Variants in TRAPPC11 observed in about 807,000 individuals in gnomAD.
TRAPPC11 encodes foie gras homolog.
In TRAPPC11, 104 loss-of-function variants were observed where a neutral mutation model predicts 151.2. The observed-to-expected ratio is 0.69, with a 90% confidence interval of 0.59 to 0.81. TRAPPC11 has a LOEUF of 0.81. Ranked by LOEUF, TRAPPC11 falls within the 30% of genes least tolerant of loss-of-function variation. TRAPPC11 has a pLI of 0.00. For synonymous variants in TRAPPC11, 456 were observed against 472.3 expected (o/e 0.97, Z 0.45); for missense variants, 1,230 against 1,349.6 (o/e 0.91, Z 1.39).
At chr4:183,699,194 A>G (rs1169767405) in intron 25 of TRAPPC11, among the ~76,000 whole-genome samples, 2 of 152,114 alleles carry the variant, frequency 1.3e-5, no homozygotes, top group African/African-American at 2.4e-5. Context: ...CATTCATCCA[A>G]CATTGCCCCC....
intron 5 of TRAPPC11, among the ~76,000 whole-genome samples, chr4:183,672,692 A>G (rs959879802): frequency 2.1e-4 from 32 of 152,184 alleles, no homozygotes; most frequent in African/African-American, 7.0e-4. Flanking sequence ...AGAGGAAATA[A>G]TAGCACTTAC....
Position 183,667,714 on chromosome 4 carries a change from G to A in TRAPPC11, c.446-289G>A, listed in dbSNP as rs62357988. On this transcript the variant is annotated intron_variant, in intron 4 of 29. Transcript: ENST00000334690. ...CTTCTTTCATGAATTATTGCTTCCA[G>A]TTTTAGTTATGTTTTTTGAAATAGT... Among the ~76,000 whole-genome samples the A allele has an allele frequency of 0.1, 15,459 of 152,154 alleles. 841 individuals are homozygous for A. Among genetic ancestry groups the A allele is most frequent in the Non-Finnish European group, 0.12 (7,955 of 67,992 alleles).
At chr4:183,712,516 G>A (rs752982261) in intron 29 of TRAPPC11, 84 bp from the exon 30 acceptor site, 7 of 1,328,754 alleles carry the variant, frequency 5.3e-6, no homozygotes, top group Non-Finnish European at 7.6e-6. Context: ...ACAGTTTCAA[G>A]AATTTAAAAA....
At chr4:183,707,254 A>ATGTGTGTGTGTG (rs10576583) in intron 28 of TRAPPC11, among the ~76,000 whole-genome samples, 2,472 of 148,654 alleles carry the variant, frequency 0.017, 76 homozygotes, top group African/African-American at 0.058. Context: ...GTGTGTGTTT[A>ATGTGTGTGTGTG]TGTGTGTGTG....
chr4:183,664,181 T>A, intron 2 of TRAPPC11, 110 bp downstream of exon 2: 4 of 927,172 alleles, frequency 4.3e-6, no homozygotes, highest in Non-Finnish European at 6.8e-6. Flanking sequence ...GTGGTCACAG[T>A]GGTGCATAAA....
intron 5 of TRAPPC11, among the ~76,000 whole-genome samples, chr4:183,668,901 G>A (rs1013427092): frequency 1.4e-4 from 21 of 152,276 alleles, no homozygotes; most frequent in Middle Eastern, 3.4e-3. Flanking sequence ...TTCTGCATAA[G>A]TGTCCTTCGT....
At chr4:183,673,499 C>T (rs994667117) in intron 5 of TRAPPC11, among the ~76,000 whole-genome samples, 19 of 152,028 alleles carry the variant, frequency 1.2e-4, no homozygotes, top group East Asian at 5.8e-4. Flanking sequence ...CATGGTGAAA[C>T]CCCGTCTCTA....
chr4:183,699,903 C>T (rs1234761451), intron 25 of TRAPPC11, among the ~76,000 whole-genome samples: 1 of 151,992 alleles, frequency 6.6e-6, no homozygotes, highest in Non-Finnish European at 1.5e-5. Context: ...CGGCTTACTG[C>T]AAGCTCTGCC....
intron 17 of TRAPPC11, among the ~76,000 whole-genome samples, chr4:183,685,774 A>G (rs1247104654): frequency 6.6e-6 from 1 of 152,096 alleles, no homozygotes; most frequent in East Asian, 1.9e-4. Context: ...TTAAAATTAA[A>G]GATGGTTTTG....
chr4:183,676,967 G>T (rs1468588879), intron 7 of TRAPPC11, among the ~76,000 whole-genome samples: 2 of 152,128 alleles, frequency 1.3e-5, no homozygotes, highest in Non-Finnish European at 2.9e-5. Flanking sequence ...GTTTCACCCT[G>T]TTGGCCAGGC....
intron 27 of TRAPPC11, chr4:183,705,811 C>T (rs1312699374): frequency 6.6e-6 from 1 of 152,164 alleles, no homozygotes; most frequent in Non-Finnish European, 1.5e-5. Flanking sequence ...GTGCTCCCAC[C>T]AGGAGGCAGG....
At chr4:183,661,223 A>G (rs1046687199) in intron 1 of TRAPPC11, among the ~76,000 whole-genome samples, 11 of 152,022 alleles carry the variant, frequency 7.2e-5, no homozygotes, top group African/African-American at 2.7e-4. Context: ...GAGAAGACTA[A>G]TAGTCTTTCC....
rs1375382372 is a variant in TRAPPC11 at position 183,693,635 on chromosome 4, C to T, written c.2284C>T (p.Pro762Ser). Residue 762 changes from proline (P) to serine (S), a missense_variant, in exon 21 of 30, where the codon CCC becomes TCC. Transcript: ENST00000334690. ...PNISVHLLHE[P>S]PALTNEMYCL... is the part of the protein sequence containing the mutation. ...CATTTCTGTACATCTGCTACATGAA[C>T]CCCCTGCACTGACTAATGAAATGTA... 1.2e-5 allele frequency: 19 copies of T among 1,614,016 alleles called. No homozygotes were observed. Among genetic ancestry groups the T allele is most frequent in the Non-Finnish European group, 1.6e-5 (19 of 1,179,988 alleles).
chr4:183,675,137 A>G (rs185424342), intron 6 of TRAPPC11, 27 bp from the exon 7 acceptor site: 8 of 1,238,136 alleles, frequency 6.5e-6, no homozygotes, highest in Non-Finnish European at 6.7e-6. Context: ...GAATATGTAT[A>G]ATAGTAATTT....
chr4:183,707,564 A>G (rs1737137097), intron 28 of TRAPPC11, among the ~76,000 whole-genome samples: 1 of 152,220 alleles, frequency 6.6e-6, no homozygotes, highest in African/African-American at 2.4e-5. Context: ...ATGACCCTCC[A>G]AAGTCAGGAA....
intron 10 of TRAPPC11, among the ~76,000 whole-genome samples, chr4:183,681,346 T>C (rs1016339559): frequency 7.9e-5 from 12 of 152,264 alleles, no homozygotes; most frequent in African/African-American, 2.9e-4. Flanking sequence ...GCTATTTGTA[T>C]GATTTGTAAT....
intron 27 of TRAPPC11, 73 bp from the exon 28 acceptor site, chr4:183,706,734 T>G (rs936910164): frequency 3.9e-5 from 59 of 1,503,260 alleles, no homozygotes; most frequent in Admixed American, 1.5e-4. Flanking sequence ...AGAATGAGAT[T>G]CATTTACAAA....
rs114748616 is a variant in TRAPPC11, at chr4:183,679,344, A to G, written c.832-9A>G. 1.7e-3 allele frequency: 2,602 copies of G among 1,558,362 alleles called. 45 individuals are homozygous for G. The African/African-American group carries it at 0.032, about 19-fold the overall frequency. The stretch of plus-strand genomic sequence containing the variant: ...TCCTTTATTTTGGGATCAATTTTAC[A>G]TTTTGCAGATCTGTAGGCTGTGTTT... On this transcript the variant is annotated splice_polypyrimidine_tract_variant and intron_variant, in intron 8 of 29. Transcript: ENST00000334690.
Position 183,685,080 on chromosome 4 carries a change from C to G in TRAPPC11, c.1568-4C>G. ...AAATGTTTTTCCTTCTTTCTTCATACTAGCTTCAACTCTGAAAGATGACCA... is the reference window on the plus strand; with the variant it reads ...AAATGTTTTTCCTTCTTTCTTCATAGTAGCTTCAACTCTGAAAGATGACCA... On this transcript the variant is annotated splice_region_variant and splice_polypyrimidine_tract_variant and intron_variant, in intron 15 of 29. Transcript: ENST00000334690. 1 of 1,612,242 alleles carries G rather than the reference C, an allele frequency of 6.2e-7. No individual in the cohort carries two copies. The highest frequency in any genetic ancestry group is 8.5e-7 in the Non-Finnish European group (1 of 1,179,262).
Sources: gnomAD v4.1 joint callset for allele counts (sites outside exome capture counted in the v4.1 genomes callset) on GRCh38, gnomAD v4.1.1 for gene constraint, MANE v1.5 for transcripts, NCBI Gene and HGNC (gene_info 2026-07-23, HGNC 2026-07-21) for gene names.